ZBTB16: variants seen among roughly 807,000 people sequenced by gnomAD.
ZBTB16 encodes zinc finger and BTB domain-containing protein 16.
Under a neutral mutation model 56.8 loss-of-function variants are expected in ZBTB16, and 8 were observed. That is an observed-to-expected ratio of 0.14 (90% CI 0.08 to 0.25). The LOEUF is 0.25. Among genes scored for constraint, ZBTB16 ranks in the 10% least tolerant of loss-of-function variants. The pLI is 1.00. For missense variants in ZBTB16, 625 were observed against 903.0 expected, an observed-to-expected ratio of 0.69 and a Z score of 3.95; for synonymous variants, 363 against 368.5, an observed-to-expected ratio of 0.98 and a Z score of 0.17.
chr11:114,243,801 T>C (rs1944761996), intron 5 of ZBTB16, among the ~76,000 whole-genome samples: 1 of 152,198 alleles, frequency 6.6e-6, no homozygotes, highest in South Asian at 2.1e-4. Flanking sequence ...GTTGGCTTCA[T>C]GTGACTTGAA....
intron 4 of ZBTB16, among the ~76,000 whole-genome samples, chr11:114,240,877 T>G (rs1944688334): frequency 6.6e-6 from 1 of 152,218 alleles, no homozygotes; most frequent in South Asian, 2.1e-4. Context: ...CCCATCGGGT[T>G]TAGGATGGAA....
intron 2 of ZBTB16, among the ~76,000 whole-genome samples, chr11:114,099,194 C>A (rs1045293948): frequency 6.6e-6 from 1 of 152,158 alleles, no homozygotes; most frequent in Non-Finnish European, 1.5e-5. Context: ...CGTGATCTTA[C>A]TGGGGGAGAG....
chr11:114,097,571 CTGCTAA>C (rs1372760983), intron 2 of ZBTB16, among the ~76,000 whole-genome samples: 1 of 152,130 alleles, frequency 6.6e-6, no homozygotes, highest in African/African-American at 2.4e-5. Context: ...TAAAAACCCT[CTGCTAA>C]ATTTTTTTTA....
intron 2 of ZBTB16, among the ~76,000 whole-genome samples, chr11:114,114,782 C>G (rs936724256): frequency 1.3e-5 from 2 of 151,666 alleles, no homozygotes; most frequent in Non-Finnish European, 2.9e-5. Context: ...CAGGCTCAAG[C>G]GATCCTCCTA....
intron 5 of ZBTB16, among the ~76,000 whole-genome samples, chr11:114,242,674 T>G (rs1253172431): frequency 1.3e-5 from 2 of 152,204 alleles, no homozygotes; most frequent in African/African-American, 4.8e-5. Flanking sequence ...GGGATTCTCA[T>G]GTAGGTAGAC....
At chr11:114,187,913 G>A (rs977548791) in intron 4 of ZBTB16, 1 of 157,160 alleles carries the variant, frequency 6.4e-6, no homozygotes, top group African/African-American at 2.4e-5. Flanking sequence ...AGGGATCAAG[G>A]TTGCATGCTC....
intron 3 of ZBTB16, 75 bp from the exon 4 acceptor site, chr11:114,186,877 A>G (rs1312768980): frequency 7.0e-7 from 1 of 1,426,414 alleles, no homozygotes; most frequent in Non-Finnish European, 9.9e-7. Context: ...GTCTACCTGC[A>G]CAGTTGTGGC....
At chr11:114,095,540 G>A (rs1158929511) in intron 2 of ZBTB16, among the ~76,000 whole-genome samples, 4 of 152,278 alleles carry the variant, frequency 2.6e-5, no homozygotes, top group Non-Finnish European at 4.4e-5. Flanking sequence ...GATTACAGGC[G>A]TGAGCCACCA....
chr11:114,108,459 G>C (rs953019090), intron 2 of ZBTB16, among the ~76,000 whole-genome samples: 1 of 152,184 alleles, frequency 6.6e-6, no homozygotes, highest in African/African-American at 2.4e-5. Flanking sequence ...CTTATTTGCA[G>C]GTCTTCTTAG....
At chr11:114,204,946 T>G (rs1289975896) in intron 4 of ZBTB16, among the ~76,000 whole-genome samples, 2 of 152,180 alleles carry the variant, frequency 1.3e-5, no homozygotes, top group Admixed American at 6.5e-5. Flanking sequence ...GGCACTGCCC[T>G]GAGGTCGGGC....
chr11:114,209,812 G>T, intron 4 of ZBTB16: 1 of 985,408 alleles, frequency 1.0e-6, no homozygotes, highest in Non-Finnish European at 1.2e-6. Context: ...TTCGAGAGAG[G>T]CATTTCTGAT....
intron 2 of ZBTB16, among the ~76,000 whole-genome samples, chr11:114,107,169 G>A (rs1241658415): frequency 6.6e-6 from 1 of 152,158 alleles, no homozygotes; most frequent in Non-Finnish European, 1.5e-5. Flanking sequence ...GAATCACAGA[G>A]GGATCAGTGA....
intron 4 of ZBTB16, among the ~76,000 whole-genome samples, chr11:114,220,344 G>C (rs1361759335): frequency 3.3e-5 from 5 of 152,312 alleles, no homozygotes; most frequent in Non-Finnish European, 2.9e-5. Flanking sequence ...TGGAGTGGGG[G>C]ATGTGTGTGT....
intron 3 of ZBTB16, among the ~76,000 whole-genome samples, chr11:114,180,253 G>A (rs1943216722): frequency 6.6e-6 from 1 of 152,220 alleles, no homozygotes; most frequent in African/African-American, 2.4e-5. Context: ...GTGGTGCTTA[G>A]AACATCCCGA....
At position 114,216,593 on chromosome 11, in the gene ZBTB16, TC is replaced by T. The variant is rs1194941271; in HGVS notation, c.1454-25573del. 4.6e-5 allele frequency among the ~76,000 whole-genome samples: 7 copies of T among 152,280 alleles called. No homozygotes were observed. In the South Asian group the frequency reaches 1.2e-3, roughly 27 times the overall value. ...GGAACATTCTGGCAAGACAGTGCTA[TC>T]AGCCTAAACTCATCACACCGGAGGC... On this transcript the variant is annotated intron_variant, in intron 4 of 6. Transcript: ENST00000335953.
chr11:114,252,772 GC>G lies in ZBTB16; in HGVS notation c.*2218del, dbSNP rs2135224343. ...GGAAGCCGGAGGGATGGGTGCTGCT[GC>G]GACGACCCCCCCGTCCCTCGGCCCC... On this transcript the variant is annotated 3_prime_UTR_variant, in exon 7 of 7. Coordinates refer to ENST00000335953, the MANE Select transcript of ZBTB16 (RefSeq NM_006006.6). Among the ~76,000 whole-genome samples the G allele has an allele frequency of 6.6e-6, 1 of 152,218 alleles. No individual in the cohort carries two copies. Among genetic ancestry groups the G allele is most frequent in the Non-Finnish European group, 1.5e-5 (1 of 68,014 alleles).
chr11:114,183,143 T>C (rs1943287940), intron 3 of ZBTB16, among the ~76,000 whole-genome samples: 1 of 152,128 alleles, frequency 6.6e-6, no homozygotes, highest in Non-Finnish European at 1.5e-5. Context: ...GTGGGAGTAC[T>C]GGGGCTTCGT....
intron 4 of ZBTB16, among the ~76,000 whole-genome samples, chr11:114,220,867 T>C (rs1174713076): frequency 6.6e-6 from 1 of 152,222 alleles, no homozygotes; most frequent in East Asian, 1.9e-4. Flanking sequence ...GTGCAGGTCC[T>C]TTATTTCTGT....
rs201532309 is a variant in ZBTB16 at position 114,250,510 on chromosome 11, C to T, written c.1977C>T (p.Pro659=). Residue 659 remains proline, a synonymous_variant, in exon 7 of 7, where the codon CCC becomes CCT. Transcript: ENST00000335953. This position sits in a 1 kb window ranked among gnomAD's most constrained non-coding sequence, Gnocchi z 6.0. ...MKGHKPEEIP[P]DWRIEKTYLY... ...GCCACAAGCCCGAGGAGATCCCGCCCGACTGGAGGATAGAGAAGACGTACC... is the reference window on the plus strand; with the variant it reads ...GCCACAAGCCCGAGGAGATCCCGCCTGACTGGAGGATAGAGAAGACGTACC... 62 of 1,614,144 alleles carry T rather than the reference C, an allele frequency of 3.8e-5. 1 individual carries two copies. The highest frequency in any genetic ancestry group is 2.8e-4 in the African/African-American group (21 of 75,036).
Sources: gnomAD v4.1 joint callset for allele counts (sites outside exome capture counted in the v4.1 genomes callset) on GRCh38, gnomAD v4.1.1 for gene constraint, Gnocchi (gnomAD v3.1) non-coding constraint, MANE v1.5 for transcripts, NCBI Gene and HGNC (gene_info 2026-07-23, HGNC 2026-07-21) for gene names.